Variants in ANO3 observed in about 807,000 individuals in gnomAD.
ANO3 encodes anoctamin-3.
A neutral mutation model predicts 144.8 loss-of-function variants in ANO3; 99 were observed. The observed-to-expected ratio is 0.68, with a 90% confidence interval of 0.58 to 0.81. The LOEUF is 0.81. Among genes scored for constraint, ANO3 ranks in the 30% least tolerant of loss-of-function variants. The probability of loss-of-function intolerance (pLI) is 0.00; values close to 1 mark genes in which losing one functional copy is unlikely to be tolerated. For missense variants in ANO3, 905 were observed against 1,202.2 expected (o/e 0.75, Z 3.66); for synonymous variants, 414 against 392.6 (o/e 1.05, Z -0.64).
Position 26,233,602 on chromosome 11 carries a change from A to G in ANO3, c.154+44272A>G, listed in dbSNP as rs552330754. 3.3e-5 allele frequency among the ~76,000 whole-genome samples: 5 copies of G among 152,336 alleles called. No homozygotes were observed. In the South Asian group the frequency reaches 8.3e-4, roughly 25 times the overall value. The stretch of plus-strand genomic sequence containing the variant: ...CAATCCCATTACTGGGTATATACCC[A>G]AAGGATTATAAATCTTTCTACTATA... On this transcript the variant is annotated intron_variant, in intron 1 of 27. Coordinates refer to the ANO3 transcript ENST00000672621.
chr11:26,229,807 A>AT (rs1852350255), intron 1 of ANO3, among the ~76,000 whole-genome samples: 1 of 152,214 alleles, frequency 6.6e-6, no homozygotes, highest in Admixed American at 6.5e-5. Context: ...CACTATTCAA[A>AT]TTGTTATATA....
At chr11:26,300,123 T>C (rs1854190413) in intron 1 of ANO3, among the ~76,000 whole-genome samples, 1 of 152,128 alleles carries the variant, frequency 6.6e-6, no homozygotes, top group African/African-American at 2.4e-5. Context: ...GTCTGTATGC[T>C]GGCATGTTTT....
chr11:26,332,070 C>G (rs1034682378), upstream of ANO3: 10 of 1,421,884 alleles, frequency 7.0e-6, no homozygotes, highest in South Asian at 1.5e-4. Flanking sequence ...CTAAGGGGAG[C>G]CGGACGCTAG....
intron 17 of ANO3, among the ~76,000 whole-genome samples, chr11:26,600,327 T>G (rs1851761861): frequency 1.8e-5 from 1 of 55,992 alleles, no homozygotes; most frequent in Non-Finnish European, 3.3e-5. Flanking sequence ...TCCCCTCCCG[T>G]CTTCTCTCCC....
At chr11:26,277,055 T>C (rs1330032663) in intron 1 of ANO3, among the ~76,000 whole-genome samples, 1 of 152,114 alleles carries the variant, frequency 6.6e-6, no homozygotes, top group Non-Finnish European at 1.5e-5. Flanking sequence ...TGCAGGAATT[T>C]GGTTCTACCT....
At chr11:26,408,223 C>T (rs1436424666) in intron 1 of ANO3, among the ~76,000 whole-genome samples, 2 of 151,900 alleles carry the variant, frequency 1.3e-5, no homozygotes, top group Non-Finnish European at 2.9e-5. Context: ...GCAACCTACT[C>T]ATCTGACAAA....
chr11:26,207,126 C>T (rs1590193130), intron 1 of ANO3, among the ~76,000 whole-genome samples: 1 of 152,068 alleles, frequency 6.6e-6, no homozygotes, highest in East Asian at 1.9e-4. Context: ...ATCTACTGTA[C>T]AGCACAGCGT....
intron 1 of ANO3, among the ~76,000 whole-genome samples, chr11:26,298,512 G>A (rs1314843280): frequency 6.6e-6 from 1 of 152,118 alleles, no homozygotes; most frequent in Non-Finnish European, 1.5e-5. Context: ...GTTATTTCAG[G>A]CCTTGTAGAG....
rs1448776610 is a variant in ANO3 at position 26,407,068 on chromosome 11, GTGTGTGTGTATA to G, written c.47-34848_47-34837del. Among the ~76,000 whole-genome samples, 3 of 96,466 alleles carry G rather than the reference GTGTGTGTGTATA, an allele frequency of 3.1e-5. No homozygotes were observed. The East Asian group carries it at 1.0e-3, about 33-fold the overall frequency. The allele number at this position is 96,466 out of a possible 152,430, so 63.3% of individuals were successfully genotyped here. On this transcript the variant is annotated intron_variant, in intron 1 of 26. Transcript: ENST00000256737. Reference sequence around the variant, plus strand: ...TATGGGTGTGTGTGTGTGTGTGTGTGTGTGTGTGTATATATATATATATATGTATATATATGC... The same window carrying G: ...TATGGGTGTGTGTGTGTGTGTGTGTGTATATATATATATGTATATATATGC...
At chr11:26,323,849 T>C (rs912232089) in intron 1 of ANO3, among the ~76,000 whole-genome samples, 2 of 152,162 alleles carry the variant, frequency 1.3e-5, no homozygotes, top group African/African-American at 2.4e-5. Flanking sequence ...GTGATAATAA[T>C]ACCCTTTGTG....
chr11:26,368,220 A>G (rs1856147838), intron 1 of ANO3, among the ~76,000 whole-genome samples: 1 of 152,212 alleles, frequency 6.6e-6, no homozygotes, highest in Admixed American at 6.5e-5. Flanking sequence ...TTATTGTCCA[A>G]AAGTGCTGAG....
At chr11:26,401,061 C>T (rs1590329071) in intron 1 of ANO3, among the ~76,000 whole-genome samples, 1 of 152,024 alleles carries the variant, frequency 6.6e-6, no homozygotes, top group South Asian at 2.1e-4. Context: ...GGATATGCAT[C>T]GTGTGATGAC....
intron 1 of ANO3, among the ~76,000 whole-genome samples, chr11:26,440,651 G>A (rs187401971): frequency 6.6e-6 from 1 of 152,292 alleles, no homozygotes; most frequent in Admixed American, 6.5e-5. Flanking sequence ...AGAGAAAAGA[G>A]CCTCCACTGG....
chr11:26,449,802 G>A (rs1208844725), intron 3 of ANO3, among the ~76,000 whole-genome samples: 2 of 151,500 alleles, frequency 1.3e-5, no homozygotes, highest in African/African-American at 4.9e-5. Flanking sequence ...TGCCCAGGCT[G>A]GAGGAGTGCA....
At chr11:26,321,407 C>T (rs996245204) in intron 1 of ANO3, among the ~76,000 whole-genome samples, 4 of 151,772 alleles carry the variant, frequency 2.6e-5, no homozygotes, top group Non-Finnish European at 5.9e-5. Flanking sequence ...ATATTAAGTT[C>T]CCCTGGAAAG....
intron 1 of ANO3, among the ~76,000 whole-genome samples, chr11:26,397,511 G>T (rs1857045816): frequency 6.6e-6 from 1 of 151,992 alleles, no homozygotes; most frequent in African/African-American, 2.4e-5. Flanking sequence ...ATATAAAAAG[G>T]AAACATCTTT....
In ANO3 at chr11:26,479,636, C is replaced by T. The variant is rs188994157; in HGVS notation, c.432+16488C>T. Reference sequence around the variant, plus strand: ...CACAATTCAATTATCTCCACCTGGCCCTGCCCTTGACACCTGGGGATTATT... The same window carrying T: ...CACAATTCAATTATCTCCACCTGGCTCTGCCCTTGACACCTGGGGATTATT... On this transcript the variant is annotated intron_variant, in intron 4 of 26. Coordinates refer to ENST00000256737, the MANE Select transcript of ANO3 (RefSeq NM_031418.4). Among the ~76,000 whole-genome samples the T allele has an allele frequency of 5.4e-3, 824 of 152,166 alleles. 6 individuals are homozygous for T. The highest frequency in any genetic ancestry group is 0.019 in the African/African-American group (783 of 41,518).
intron 1 of ANO3, among the ~76,000 whole-genome samples, chr11:26,373,109 C>A (rs1369261340): frequency 1.3e-5 from 2 of 152,142 alleles, no homozygotes; most frequent in Admixed American, 1.3e-4. Flanking sequence ...GGCAGACACA[C>A]ACACACATAT....
chr11:26,363,769 CA>C (rs1855988843), intron 1 of ANO3, among the ~76,000 whole-genome samples: 1 of 151,612 alleles, frequency 6.6e-6, no homozygotes, highest in Non-Finnish European at 1.5e-5. Context: ...TCAAGCCTAT[CA>C]TCAGCTTCAG....
Sources: gnomAD v4.1 joint callset for allele counts (sites outside exome capture counted in the v4.1 genomes callset) on GRCh38, gnomAD v4.1.1 for gene constraint, MANE v1.5 for transcripts, NCBI Gene and HGNC (gene_info 2026-07-23, HGNC 2026-07-21) for gene names.